The following SCLT1 variants were observed in gnomAD, a reference collection of about 807,000 sequenced individuals.
The protein encoded by SCLT1 is sodium channel and clathrin linker 1.
In SCLT1, 78 loss-of-function variants were observed where a neutral mutation model predicts 112.8. The observed-to-expected ratio is 0.69, with a 90% confidence interval of 0.58 to 0.83. SCLT1 has a LOEUF of 0.83. Ranked by LOEUF, SCLT1 falls within the 40% of genes least tolerant of loss-of-function variation. The pLI is 0.00. For synonymous variants in SCLT1, 257 were observed against 254.7 expected (o/e 1.01, Z -0.09); for missense variants, 747 against 770.4 (o/e 0.97, Z 0.36).
rs1028264224 is a variant in SCLT1 at position 128,961,001 on chromosome 4, T to G, written c.870-1224A>C. On this transcript the variant is annotated intron_variant, in intron 11 of 20. Coordinates refer to ENST00000281142, the MANE Select transcript of SCLT1 (RefSeq NM_144643.4). Reference sequence around the variant, plus strand: ...TAGTCTGTCCTTTATGCTGCAAATTTTTTTTTTTCCAAATCTACTTTTTTG... The same window carrying G: ...TAGTCTGTCCTTTATGCTGCAAATTGTTTTTTTTCCAAATCTACTTTTTTG... Among the ~76,000 whole-genome samples the G allele has an allele frequency of 3.8e-4, 58 of 151,308 alleles. No homozygotes were observed. The East Asian group carries it at 4.8e-3, about 13-fold the overall frequency.
At chr4:128,882,054 T>C (rs912754559), downstream of SCLT1, among the ~76,000 whole-genome samples, 1 of 152,134 alleles carries the variant, frequency 6.6e-6, no homozygotes, top group African/African-American at 2.4e-5. Context: ...CTTGAAAAAA[T>C]GTGTCTGGAA....
chr4:129,046,651 A>T (rs1748211431), intron 2 of SCLT1, among the ~76,000 whole-genome samples: 3 of 152,130 alleles, frequency 2.0e-5, no homozygotes, highest in Admixed American at 2.0e-4. Flanking sequence ...ATTCTTGAAA[A>T]AGTCTTATTG....
Position 128,943,131 on chromosome 4 carries a change from C to G in SCLT1, c.1497G>C (p.Leu499Phe). The G allele has an allele frequency of 6.2e-7, 1 of 1,612,032 alleles. No homozygotes were observed. Among genetic ancestry groups the G allele is most frequent in the Non-Finnish European group, 8.5e-7 (1 of 1,178,982 alleles). Residue 499 changes from leucine (L) to phenylalanine (F), a missense_variant, in exon 17 of 21, where the codon TTG becomes TTC. By Grantham distance (22) the Leu-to-Phe change is conservative. This residue lies in a region of SCLT1 where 723 missense variants were observed against 721.3 expected (regional missense o/e 1.00). Coordinates refer to ENST00000281142, the MANE Select transcript of SCLT1 (RefSeq NM_144643.4). ...GCCCACAGTTCTCTCTCTCAGACTC[C>G]AATACATTTTGAAGTTTCTGAATCA... Reference protein sequence around the residue: ...QEMIQKLQNVLESERENCGLV... With the variant: ...QEMIQKLQNVFESERENCGLV...
intron 1 of SCLT1, among the ~76,000 whole-genome samples, chr4:129,083,186 G>GAAAAAAA (rs10651058): frequency 7.1e-5 from 6 of 84,490 alleles, no homozygotes; most frequent in Admixed American, 1.5e-4. Context: ...GTGAGACTCT[G>GAAAAAAA]AAAAAAAAAA....
At chr4:129,039,397 G>C (rs1222951844) in intron 4 of SCLT1, 6 of 250,600 alleles carry the variant, frequency 2.4e-5, no homozygotes, top group Admixed American at 5.2e-5. Flanking sequence ...AGATATTCTG[G>C]AGTATGTCAC....
At chr4:129,024,661 C>A (rs1408174611) in intron 5 of SCLT1, among the ~76,000 whole-genome samples, 2 of 152,212 alleles carry the variant, frequency 1.3e-5, no homozygotes, top group Admixed American at 6.5e-5. Flanking sequence ...TCCAAAGGAA[C>A]GCAGTTCCTC....
intron 3 of SCLT1, among the ~76,000 whole-genome samples, chr4:128,877,674 C>T (rs1256974777): frequency 1.3e-5 from 2 of 150,320 alleles, no homozygotes; most frequent in East Asian, 1.9e-4. Context: ...GAGTGAGACT[C>T]GGTCTCAAAA....
At chr4:129,055,462 C>T (rs561951649) in intron 2 of SCLT1, among the ~76,000 whole-genome samples, 1 of 152,314 alleles carries the variant, frequency 6.6e-6, no homozygotes, top group South Asian at 2.1e-4. Context: ...TGCTGCCTTT[C>T]TTTCAGAGAT....
intron 5 of SCLT1, chr4:128,873,950 C>T (rs554174292): frequency 3.9e-5 from 6 of 152,680 alleles, no homozygotes; most frequent in East Asian, 3.9e-4. Flanking sequence ...ATTGTATGTA[C>T]GACATTTTCA....
intron 18 of SCLT1, among the ~76,000 whole-genome samples, chr4:128,902,393 T>C (rs1222981138): frequency 2.0e-5 from 3 of 152,224 alleles, no homozygotes; most frequent in East Asian, 1.9e-4. Context: ...ACTACACACC[T>C]AGGCAAAATA....
intron 2 of SCLT1, among the ~76,000 whole-genome samples, chr4:129,055,109 A>G (rs1433482504): frequency 6.6e-6 from 1 of 152,228 alleles, no homozygotes; most frequent in Non-Finnish European, 1.5e-5. Context: ...CAGAACAGCA[A>G]AGATGGCTGC....
chr4:129,074,687 G>A (rs1751311809), intron 2 of SCLT1, among the ~76,000 whole-genome samples: 1 of 152,124 alleles, frequency 6.6e-6, no homozygotes, highest in African/African-American at 2.4e-5. Context: ...CTGATATTGT[G>A]TAATTAATTT....
At chr4:129,063,694 A>G (rs1447779509) in intron 2 of SCLT1, among the ~76,000 whole-genome samples, 1 of 152,192 alleles carries the variant, frequency 6.6e-6, no homozygotes, top group Non-Finnish European at 1.5e-5. Context: ...TAGAGTCTGC[A>G]AAGTGGTTAG....
At chr4:129,066,334 A>G (rs1750484341) in intron 2 of SCLT1, among the ~76,000 whole-genome samples, 2 of 152,086 alleles carry the variant, frequency 1.3e-5, no homozygotes, top group South Asian at 4.1e-4. Context: ...AATCTCACCA[A>G]TAATTAGAGA....
At chr4:128,934,541 A>G (rs866074332) in intron 18 of SCLT1, among the ~76,000 whole-genome samples, 3 of 151,970 alleles carry the variant, frequency 2.0e-5, no homozygotes, top group African/African-American at 7.2e-5. Flanking sequence ...TCTTAATATT[A>G]TATATAGTTT....
intron 2 of SCLT1, among the ~76,000 whole-genome samples, chr4:129,070,357 T>C (rs373610834): frequency 6.6e-6 from 1 of 152,138 alleles, no homozygotes; most frequent in Non-Finnish European, 1.5e-5. Flanking sequence ...GAATGTGTGG[T>C]AGAATTCTGC....
intron 18 of SCLT1, among the ~76,000 whole-genome samples, chr4:128,892,067 T>C (rs1733371918): frequency 6.6e-6 from 1 of 152,214 alleles, no homozygotes; most frequent in Admixed American, 6.5e-5. Flanking sequence ...TTCTTATTTA[T>C]GTTTTGGTTG....
chr4:129,021,175 A>T (rs1300396875), intron 5 of SCLT1, among the ~76,000 whole-genome samples: 1 of 152,146 alleles, frequency 6.6e-6, no homozygotes, highest in Non-Finnish European at 1.5e-5. Flanking sequence ...TCCCACAGCC[A>T]AGGAAAGCTG....
chr4:129,002,218 T>C (rs1277018513), intron 6 of SCLT1, among the ~76,000 whole-genome samples: 3 of 152,072 alleles, frequency 2.0e-5, no homozygotes, highest in Non-Finnish European at 2.9e-5. Flanking sequence ...AGAGTTTTTT[T>C]CTATGATCAC....
Sources: gnomAD v4.1 joint callset for allele counts (sites outside exome capture counted in the v4.1 genomes callset) on GRCh38, gnomAD v4.1.1 for gene constraint, gnomAD v4.1.1 regional missense constraint, MANE v1.5 for transcripts, NCBI Gene and HGNC (gene_info 2026-07-23, HGNC 2026-07-21) for gene names.